CUL2: variants seen among roughly 807,000 people sequenced by gnomAD.
CUL2 encodes cullin 2.
Under a neutral mutation model 110.2 loss-of-function variants are expected in CUL2, and 22 were observed. The observed-to-expected ratio is 0.20, with a 90% CI of 0.14 to 0.28. The LOEUF is 0.28. Among genes scored for constraint, CUL2 ranks in the 10% least tolerant of loss-of-function variants. The pLI is 1.00. For missense variants in CUL2, 631 were observed against 905.5 expected (o/e 0.70, Z 3.89); for synonymous variants, 279 against 293.2 (o/e 0.95, Z 0.49).
chr10:35,021,528 TTAA>T (rs34103783), intron 17 of CUL2, among the ~76,000 whole-genome samples: 20,515 of 151,936 alleles, frequency 0.14, 1,560 homozygotes, highest in South Asian at 0.2. Flanking sequence ...CATGTTTATA[TTAA>T]TGTCAATTTT....
intron 1 of CUL2, among the ~76,000 whole-genome samples, chr10:35,103,360 T>C (rs1430713298): frequency 7.2e-6 from 1 of 137,960 alleles, no homozygotes; most frequent in African/African-American, 2.6e-5. Context: ...AGTTTCGCTC[T>C]GTCGCCCAGG....
intron 20 of CUL2, among the ~76,000 whole-genome samples, chr10:35,010,898 G>A (rs2084883359): frequency 6.6e-6 from 1 of 152,104 alleles, no homozygotes; most frequent in African/African-American, 2.4e-5. Flanking sequence ...CATATCTTCA[G>A]CTGCTCTGTG....
At position 35,044,760 on chromosome 10, in the gene CUL2, G is replaced by A. The variant is rs370171417; in HGVS notation, c.603+12C>T. On this transcript the variant is annotated intron_variant, in intron 7 of 20. Transcript: ENST00000374749. ...ACAGTCTGATTATTTGTTTTTAAAG[G>A]AGGCTGTTTACCTTTAAGGGGAATT... is the stretch of plus-strand genomic sequence containing the variant. The A allele has an allele frequency of 1.2e-5, 19 of 1,597,094 alleles. No homozygotes were observed. The highest frequency in any genetic ancestry group is 1.5e-5 in the Non-Finnish European group (18 of 1,167,546).
chr10:35,020,661 A>C (rs7923217), intron 17 of CUL2, among the ~76,000 whole-genome samples: 2 of 151,914 alleles, frequency 1.3e-5, no homozygotes, highest in Non-Finnish European at 2.9e-5. Flanking sequence ...AGCAATCTCT[A>C]CAACTTCTTG....
chr10:35,094,298 C>T (rs529382479), upstream of CUL2, among the ~76,000 whole-genome samples: 9 of 151,420 alleles, frequency 5.9e-5, no homozygotes, highest in African/African-American at 1.7e-4. Context: ...TGCAATGGTG[C>T]GATCTTGGCT....
rs112376420 is a variant in CUL2, at chr10:35,047,818, T to C, written c.506+1865A>G. On this transcript the variant is annotated intron_variant, in intron 6 of 20. Coordinates refer to ENST00000374749, the MANE Select transcript of CUL2 (RefSeq NM_003591.4). ...TACTCGGGAGGCTGAGGCAGGAGAATTGCTTGAACCCAGGAGGCGGAGGCT... is the reference window on the plus strand; with the variant it reads ...TACTCGGGAGGCTGAGGCAGGAGAACTGCTTGAACCCAGGAGGCGGAGGCT... Among the ~76,000 whole-genome samples, 567 of 151,858 alleles carry C rather than the reference T, an allele frequency of 3.7e-3. 4 individuals carry two copies. Among genetic ancestry groups the C allele is most frequent in the African/African-American group, 0.013 (519 of 41,366 alleles).
chr10:35,096,998 C>T (rs1245280534), intron 2 of CUL2, among the ~76,000 whole-genome samples: 1 of 151,904 alleles, frequency 6.6e-6, no homozygotes, highest in Non-Finnish European at 1.5e-5. Flanking sequence ...TTCGTAGAGA[C>T]GGGGTTTCAC....
chr10:35,026,684 GAACA>G (rs1026301134), intron 16 of CUL2, among the ~76,000 whole-genome samples: 15 of 152,194 alleles, frequency 9.9e-5, no homozygotes, highest in South Asian at 2.1e-4. Flanking sequence ...AGCTAGTCAA[GAACA>G]AACAGACTCC....
At chr10:35,088,514 A>AG (rs1391428909) in intron 1 of CUL2, among the ~76,000 whole-genome samples, 6 of 151,568 alleles carry the variant, frequency 4.0e-5, no homozygotes, top group Non-Finnish European at 8.8e-5. Flanking sequence ...AAAAAAAAAA[A>AG]AAAAAAAGAA....
intron 2 of CUL2, chr10:35,100,743 CAG>C (rs1473167000): frequency 9.1e-6 from 1 of 109,734 alleles, no homozygotes; most frequent in Non-Finnish European, 1.7e-5. Flanking sequence ...ACCTGGGAGA[CAG>C]AGTCCATCTC....
At chr10:35,080,402 C>T (rs190434618) in intron 1 of CUL2, among the ~76,000 whole-genome samples, 140 of 152,028 alleles carry the variant, frequency 9.2e-4, no homozygotes, top group Admixed American at 8.5e-3. Context: ...ACAACATTTC[C>T]ATCATGACTT....
intron 1 of CUL2, among the ~76,000 whole-genome samples, chr10:35,108,161 A>G (rs1744583897): frequency 6.6e-6 from 1 of 152,140 alleles, no homozygotes; most frequent in Non-Finnish European, 1.5e-5. Context: ...CTAAGTGAGA[A>G]GTGACAGTAG....
At chr10:35,036,584 T>C (rs1444951546) in intron 9 of CUL2, among the ~76,000 whole-genome samples, 2 of 152,230 alleles carry the variant, frequency 1.3e-5, no homozygotes, top group African/African-American at 2.4e-5. Context: ...TTCAACAAGT[T>C]CCTGCTACTT....
chr10:35,044,064 A>AAAC (rs796135117), intron 8 of CUL2, among the ~76,000 whole-genome samples: 3,276 of 143,402 alleles, frequency 0.023, 149 homozygotes, highest in African/African-American at 0.092. Flanking sequence ...AAAAAAAAAA[A>AAAC]AAAAAAAAAA....
upstream of CUL2, among the ~76,000 whole-genome samples, chr10:35,091,999 C>T (rs1484965671): frequency 6.6e-6 from 1 of 152,144 alleles, no homozygotes; most frequent in Non-Finnish European, 1.5e-5. Flanking sequence ...GGCTGGAGTG[C>T]AGGAGTGCAG....
intron 6 of CUL2, among the ~76,000 whole-genome samples, chr10:35,049,182 T>G (rs965356784): frequency 6.6e-5 from 10 of 152,318 alleles, no homozygotes; most frequent in African/African-American, 2.4e-4. Flanking sequence ...GTAAAAAGTG[T>G]TAACCACTCT....
chr10:35,104,810 A>ACCT (rs963140883), intron 1 of CUL2, among the ~76,000 whole-genome samples: 2 of 151,346 alleles, frequency 1.3e-5, no homozygotes, highest in Non-Finnish European at 2.9e-5. Flanking sequence ...GCTCACTACA[A>ACCT]CCTCCGCCTC....
At chr10:35,049,571 A>T in intron 6 of CUL2, 112 bp downstream of exon 6, 4 of 701,466 alleles carry the variant, frequency 5.7e-6, no homozygotes, top group South Asian at 2.2e-5. Flanking sequence ...GAGGCTCATT[A>T]CAGTAAAACC....
intron 16 of CUL2, 70 bp from the exon 17 acceptor site, chr10:35,025,268 C>A: frequency 1.4e-6 from 2 of 1,475,434 alleles, no homozygotes; most frequent in South Asian, 1.4e-5. Context: ...TAACACAATA[C>A]TACAAAAGCA....
Sources: gnomAD v4.1 joint callset for allele counts (sites outside exome capture counted in the v4.1 genomes callset) on GRCh38, gnomAD v4.1.1 for gene constraint, MANE v1.5 for transcripts, NCBI Gene and HGNC (gene_info 2026-07-23, HGNC 2026-07-21) for gene names.